Variants in POLD3 observed in about 807,000 individuals in gnomAD.
The protein encoded by POLD3 is DNA polymerase delta subunit 3.
POLD3 carries 19 observed loss-of-function variants against 58.2 expected under a neutral mutation model. That is an observed-to-expected ratio of 0.33 (90% CI 0.23 to 0.48). The LOEUF (loss-of-function observed/expected upper bound fraction) is 0.48. Ranked by LOEUF, POLD3 falls within the 20% of genes least tolerant of loss-of-function variation. The pLI is 0.99. For missense variants in POLD3, 504 were observed against 545.5 expected (o/e 0.92, Z 0.76); for synonymous variants, 172 against 193.5 (o/e 0.89, Z 0.92).
intron 4 of POLD3, among the ~76,000 whole-genome samples, chr11:74,658,787 T>G (rs2033168359): frequency 6.6e-6 from 1 of 152,224 alleles, no homozygotes; most frequent in Non-Finnish European, 1.5e-5. Context: ...CCCATGGTCT[T>G]GGGCAGCTCC....
At chr11:74,624,611 C>T (rs1198507661) in intron 7 of POLD3, among the ~76,000 whole-genome samples, 1 of 152,210 alleles carries the variant, frequency 6.6e-6, no homozygotes, top group Non-Finnish European at 1.5e-5. Context: ...AAAGCTATCA[C>T]TAAGTACAGC....
intron 5 of POLD3, 142 bp from the exon 6 acceptor site, chr11:74,618,395 A>G (rs1264525595): frequency 1.9e-5 from 12 of 621,636 alleles, no homozygotes; most frequent in Non-Finnish European, 3.1e-5. Context: ...TCTAAACAAT[A>G]TTAGAGTTAA....
intron 3 of POLD3, among the ~76,000 whole-genome samples, chr11:74,607,527 A>G (rs763857460): frequency 2.6e-5 from 4 of 151,570 alleles, no homozygotes; most frequent in Non-Finnish European, 5.9e-5. Context: ...CGGCCTCCCA[A>G]AGTGCTAGGA....
intron 11 of POLD3, among the ~76,000 whole-genome samples, chr11:74,637,947 G>C (rs2032798208): frequency 6.6e-6 from 1 of 152,008 alleles, no homozygotes; most frequent in Non-Finnish European, 1.5e-5. Context: ...GCCCTGTCCT[G>C]TGCTGGATCA....
chr11:74,639,449 C>T (rs1029377941), intron 11 of POLD3, among the ~76,000 whole-genome samples: 1 of 152,184 alleles, frequency 6.6e-6, no homozygotes, highest in Admixed American at 6.5e-5. Flanking sequence ...ATCATTTGAG[C>T]ATTTATTATG....
chr11:74,625,861 G>A (rs1367388830), intron 8 of POLD3, among the ~76,000 whole-genome samples: 1 of 113,370 alleles, frequency 8.8e-6, no homozygotes, highest in African/African-American at 3.0e-5. Context: ...CATGGCATAA[G>A]TGTGCCTAGT....
intron 4 of POLD3, among the ~76,000 whole-genome samples, chr11:74,666,044 A>G (rs969075467): frequency 1.3e-5 from 2 of 152,260 alleles, no homozygotes; most frequent in African/African-American, 4.8e-5. Context: ...CAATATGTTA[A>G]GTTCAACAAG....
chr11:74,592,776 G>A lies in POLD3; in HGVS notation c.60+58G>A, dbSNP rs973620883. ...CGACCGGGGTCCTGGGCCCGGCTAG[G>A]GCGGCGGGAGCCTTGACCCTCTGTC... is the stretch of plus-strand genomic sequence containing the variant. On this transcript the variant is annotated intron_variant, in intron 1 of 11. Coordinates refer to ENST00000263681, the MANE Select transcript of POLD3 (RefSeq NM_006591.3). 2.8e-5 allele frequency: 45 copies of A among 1,603,682 alleles called. No homozygotes were observed. The Admixed American group carries it at 7.5e-4, about 27-fold the overall frequency.
downstream of POLD3, among the ~76,000 whole-genome samples, chr11:74,643,915 A>G (rs1164609872): frequency 6.6e-6 from 1 of 152,226 alleles, no homozygotes; most frequent in Non-Finnish European, 1.5e-5. Context: ...AGGCCGCTTA[A>G]TTCTGGCAGT....
chr11:74,656,231 C>CTT (rs984741486), intron 4 of POLD3, among the ~76,000 whole-genome samples: 1 of 152,160 alleles, frequency 6.6e-6, no homozygotes, highest in African/African-American at 2.4e-5. Flanking sequence ...AAAATTCCCT[C>CTT]TTAGTACTGC....
At chr11:74,664,447 A>G (rs2033242138) in intron 4 of POLD3, among the ~76,000 whole-genome samples, 1 of 152,208 alleles carries the variant, frequency 6.6e-6, no homozygotes, top group Admixed American at 6.5e-5. Flanking sequence ...TAAAAAGTAT[A>G]AATTCTACCA....
intron 4 of POLD3, among the ~76,000 whole-genome samples, chr11:74,665,960 C>G (rs989510873): frequency 1.3e-5 from 2 of 152,172 alleles, no homozygotes; most frequent in African/African-American, 2.4e-5. Flanking sequence ...AGAAGTACAA[C>G]TATTTCTGTA....
intron 4 of POLD3, among the ~76,000 whole-genome samples, chr11:74,648,917 A>G (rs142484698): frequency 2.0e-5 from 3 of 152,358 alleles, no homozygotes; most frequent in Non-Finnish European, 4.4e-5. Flanking sequence ...TGTTTTAGGC[A>G]GATGACTCCT....
Position 74,636,254 on chromosome 11 carries a change from C to T in POLD3, c.1177C>T (p.Leu393=), listed in dbSNP as rs147578662. 2 of 1,612,784 alleles carry T rather than the reference C, an allele frequency of 1.2e-6. No homozygotes were observed. Among genetic ancestry groups the T allele is most frequent in the Admixed American group, 3.3e-5 (2 of 59,984 alleles). Residue 393 remains leucine, a synonymous_variant, in exon 11 of 12, where the codon CTG becomes TTG. Transcript: ENST00000263681. Reference sequence around the variant, plus strand: ...ACGCGTACTAAAATCTAAAACTTACCTGGATGGGGAAGGCTGCATAGGTAA... The same window carrying T: ...ACGCGTACTAAAATCTAAAACTTACTTGGATGGGGAAGGCTGCATAGGTAA... ...RKRVLKSKTY[L]DGEGCIVTEK...
At chr11:74,664,106 G>C (rs1419596278) in intron 4 of POLD3, among the ~76,000 whole-genome samples, 1 of 152,178 alleles carries the variant, frequency 6.6e-6, no homozygotes, top group Non-Finnish European at 1.5e-5. Flanking sequence ...ATGCCCATTA[G>C]AATGGCTAAA....
intron 4 of POLD3, among the ~76,000 whole-genome samples, chr11:74,663,434 A>G (rs749611895): frequency 6.6e-6 from 1 of 152,360 alleles, no homozygotes; most frequent in Non-Finnish European, 1.5e-5. Flanking sequence ...TCTTGTAATA[A>G]GACAGAGGTG....
rs543115943 is a variant in POLD3 at position 74,664,932 on chromosome 11, T to TCTACTAAAAATACAAAA, written c.370-3842_370-3826dup. 4.3e-3 allele frequency among the ~76,000 whole-genome samples: 646 copies of TCTACTAAAAATACAAAA among 151,928 alleles called. 15 individuals are homozygous for TCTACTAAAAATACAAAA. Among genetic ancestry groups the TCTACTAAAAATACAAAA allele is most frequent in the Admixed American group, 0.038 (582 of 15,252 alleles). On this transcript the variant is annotated intron_variant, in intron 4 of 4. Transcript: ENST00000524752. ...CTGGCCAACATGCTGAAACTCTGTC[T>TCTACTAAAAATACAAAA]CTACTAAAAATACAAAACTTAGCCA... is the stretch of plus-strand genomic sequence containing the variant.
chr11:74,650,668 G>T (rs2033057672), intron 4 of POLD3, among the ~76,000 whole-genome samples: 1 of 152,176 alleles, frequency 6.6e-6, no homozygotes. Context: ...CTTGTGGTTT[G>T]CATCATTCCT....
chr11:74,642,967 T>A lies in POLD3; in HGVS notation c.*2201T>A. 1.0e-6 allele frequency: 1 copy of A among 981,458 alleles called. No homozygotes were observed. Among genetic ancestry groups the A allele is most frequent in the Non-Finnish European group, 1.2e-6 (1 of 826,278 alleles). The allele number at this position is 981,458 out of a possible 1,614,324, so 60.8% of individuals were successfully genotyped here. The stretch of plus-strand genomic sequence containing the variant: ...CTAGAAGAAAATCTAGCACATTGTA[T>A]TAGTTTGGCTTCATCACTTGCTAGC... On this transcript the variant is annotated 3_prime_UTR_variant, in exon 12 of 12. Coordinates refer to ENST00000263681, the MANE Select transcript of POLD3 (RefSeq NM_006591.3).
Sources: allele counts gnomAD v4.1 joint callset (sites outside exome capture counted in the v4.1 genomes callset), GRCh38; gene constraint gnomAD v4.1.1; transcripts MANE v1.5; gene names NCBI Gene and HGNC (gene_info 2026-07-23, HGNC 2026-07-21).